Variants in SPMIP2 observed in about 807,000 individuals in gnomAD.
SPMIP2 encodes protein SPMIP2.
At chr4:158,962,833 G>T in the SPMIP2 span, among the ~76,000 whole-genome samples, 1 of 152,074 alleles carries the variant, frequency 6.6e-6, no homozygotes, top group Non-Finnish European at 1.5e-5. Context: ...GGTGTTTAAG[G>T]CATGGATTCA....
chr4:158,985,320 GAC>G, the SPMIP2 span, among the ~76,000 whole-genome samples: 1 of 139,928 alleles, frequency 7.1e-6, no homozygotes, highest in African/African-American at 2.7e-5. Context: ...GCTGGGCAGA[GAC>G]ACAACCAAAA....
At chr4:158,898,240 G>A in the SPMIP2 span, among the ~76,000 whole-genome samples, 1 of 152,268 alleles carries the variant, frequency 6.6e-6, no homozygotes, top group East Asian at 1.9e-4. Flanking sequence ...GGTTACCGTA[G>A]CCTTGTTGTA....
chr4:158,899,338 G>C, the SPMIP2 span, among the ~76,000 whole-genome samples: 1 of 152,170 alleles, frequency 6.6e-6, no homozygotes, highest in African/African-American at 2.4e-5. Flanking sequence ...GCCAGGTTTT[G>C]CTTTCAGGAT....
At chr4:158,920,690 A>G in the SPMIP2 span, among the ~76,000 whole-genome samples, 2 of 152,248 alleles carry the variant, frequency 1.3e-5, no homozygotes, top group African/African-American at 4.8e-5. Flanking sequence ...GTTTATCAAG[A>G]CAATACATGC....
chr4:158,932,990 T>G, the SPMIP2 span, among the ~76,000 whole-genome samples: 3 of 152,120 alleles, frequency 2.0e-5, no homozygotes, highest in African/African-American at 7.2e-5. Flanking sequence ...TCCCAGTGGT[T>G]TCTTGTTTAT....
chr4:158,989,283 A>G, the SPMIP2 span, among the ~76,000 whole-genome samples: 1 of 152,228 alleles, frequency 6.6e-6, no homozygotes, highest in African/African-American at 2.4e-5. Flanking sequence ...AACAAGAATC[A>G]ATATCATGAA....
chr4:158,943,295 G>T, the SPMIP2 span, among the ~76,000 whole-genome samples: 2 of 152,038 alleles, frequency 1.3e-5, no homozygotes, highest in Admixed American at 6.6e-5. Flanking sequence ...TTTCCAAAAG[G>T]TTAGCCAGTT....
At chr4:158,987,714 G>A in the SPMIP2 span, among the ~76,000 whole-genome samples, 1 of 151,932 alleles carries the variant, frequency 6.6e-6, no homozygotes, top group Non-Finnish European at 1.5e-5. Flanking sequence ...CACCAGCATG[G>A]CACATGTATA....
chr4:159,030,204 G>A, the SPMIP2 span, among the ~76,000 whole-genome samples: 3 of 152,172 alleles, frequency 2.0e-5, no homozygotes, highest in African/African-American at 7.2e-5. Flanking sequence ...CTTGAGCCCA[G>A]GAGTTCAAGA....
chr4:158,963,670 T>C, the SPMIP2 span, among the ~76,000 whole-genome samples: 4 of 152,216 alleles, frequency 2.6e-5, no homozygotes, highest in Admixed American at 6.5e-5. Flanking sequence ...AATACAAATC[T>C]AGGTGCTACT....
chr4:158,932,450 CAG>C, the SPMIP2 span, among the ~76,000 whole-genome samples: 9 of 152,286 alleles, frequency 5.9e-5, no homozygotes, highest in East Asian at 5.8e-4. Context: ...GCCTGGGTGA[CAG>C]AGTGAGACTC....
At chr4:158,970,618 A>G in the SPMIP2 span, among the ~76,000 whole-genome samples, 149,126 of 152,074 alleles carry the variant, frequency 0.98, 73,176 homozygotes, top group East Asian at 1. Flanking sequence ...ATGTAGAGGG[A>G]GAGATGAGTA....
the SPMIP2 span, among the ~76,000 whole-genome samples, chr4:158,899,765 T>TGGTC: frequency 2.6e-5 from 4 of 151,894 alleles, no homozygotes; most frequent in Admixed American, 6.6e-5. Context: ...GTCTGGCTAG[T>TGGTC]GGTCTATTTT....
At chr4:158,953,069 A>C in the SPMIP2 span, among the ~76,000 whole-genome samples, 6 of 152,328 alleles carry the variant, frequency 3.9e-5, no homozygotes, top group Non-Finnish European at 8.8e-5. Context: ...TCTGACATGA[A>C]ATTCAAGCTG....
chr4:158,949,162 A>G, the SPMIP2 span, among the ~76,000 whole-genome samples: 1 of 152,272 alleles, frequency 6.6e-6, no homozygotes, highest in South Asian at 2.1e-4. Flanking sequence ...TATGAATTTT[A>G]ATAGATATAT....
At chr4:158,917,868 C>T in the SPMIP2 span, among the ~76,000 whole-genome samples, 1 of 151,410 alleles carries the variant, frequency 6.6e-6, no homozygotes, top group East Asian at 1.9e-4. Context: ...ATTACAGGTG[C>T]CTGCCAAGCC....
At chr4:158,896,309 C>T in the SPMIP2 span, among the ~76,000 whole-genome samples, 3 of 152,110 alleles carry the variant, frequency 2.0e-5, no homozygotes, top group Non-Finnish European at 2.9e-5. Context: ...AGCCTGCCTG[C>T]GTGTCTGTGG....
the SPMIP2 span, among the ~76,000 whole-genome samples, chr4:158,991,575 T>C: frequency 3.3e-5 from 5 of 152,176 alleles, no homozygotes; most frequent in African/African-American, 9.7e-5. Flanking sequence ...CTAATCACCA[T>C]CACTCCCCGT....
At chr4:158,897,026 G>A in the SPMIP2 span, among the ~76,000 whole-genome samples, 4 of 151,644 alleles carry the variant, frequency 2.6e-5, no homozygotes, top group Middle Eastern at 3.2e-3. Context: ...GCCCCGGTGT[G>A]TGATGTTCCC....
Sources: allele counts gnomAD v4.1 joint callset (sites outside exome capture counted in the v4.1 genomes callset), GRCh38; gene constraint gnomAD v4.1.1; transcripts MANE v1.5; gene names NCBI Gene and HGNC (gene_info 2026-07-23, HGNC 2026-07-21).